Variants in C9orf72 observed in about 807,000 individuals in gnomAD.
C9orf72 encodes guanine nucleotide exchange factor C9orf72.
Under a neutral mutation model 51.6 loss-of-function variants are expected in C9orf72, and 44 were observed. That is an observed-to-expected ratio of 0.85 (90% CI 0.67 to 1.10). The LOEUF (loss-of-function observed/expected upper bound fraction) is 1.10, where lower values mean the gene tolerates loss of function less well. C9orf72 is among the 50% of genes least tolerant of loss of function. The probability of loss-of-function intolerance (pLI) is 0.00; values close to 1 mark genes in which losing one functional copy is unlikely to be tolerated. For missense variants in C9orf72, 607 were observed against 570.6 expected (o/e 1.06, Z -0.65); for synonymous variants, 213 against 194.2 (o/e 1.10, Z -0.81).
At position 27,565,539 on chromosome 9, in the gene C9orf72, C is replaced by T. The variant is rs368117087; in HGVS notation, c.496G>A (p.Glu166Lys). The T allele has an allele frequency of 6.2e-6, 10 of 1,600,286 alleles. No homozygotes were observed. Among genetic ancestry groups the T allele is most frequent in the Admixed American group, 3.3e-5 (2 of 59,786 alleles). The change falls in exon 3 of 11, where the codon GAA becomes AAA. Residue 166 changes from glutamate (E) to lysine (K), a missense_variant. Coordinates refer to ENST00000380003, the MANE Select transcript of C9orf72 (RefSeq NM_018325.5). ...ATGCAATTTGCATATACCTGATCTT[C>T]CATTCTCTCTGTGCCTTCTAAGATA... ...KIILEGTERM[E>K]DQGQSIIPML...
At chr9:27,548,850 T>A (rs922324185) in intron 9 of C9orf72, among the ~76,000 whole-genome samples, 184 bp from the exon 10 acceptor site, 4 of 122,392 alleles carry the variant, frequency 3.3e-5, no homozygotes, top group East Asian at 4.0e-4. Context: ...AATCTGATAT[T>A]TTTTTTTTTT....
At chr9:27,562,329 C>G in intron 4 of C9orf72, 52 bp downstream of exon 4, 1 of 824,352 alleles carries the variant, frequency 1.2e-6, no homozygotes, top group Non-Finnish European at 1.9e-6. Context: ...CATAATAATA[C>G]TATAACCCCA....
At chr9:27,556,911 T>G (rs1240309886) in intron 7 of C9orf72, 115 bp from the exon 8 acceptor site, 7 of 704,464 alleles carry the variant, frequency 9.9e-6, no homozygotes, top group Middle Eastern at 3.2e-4. Context: ...AAATTTATCC[T>G]AAGAAGCTAT....
chr9:27,569,777 A>T (rs1819546035), intron 1 of C9orf72, among the ~76,000 whole-genome samples: 1 of 152,276 alleles, frequency 6.6e-6, no homozygotes, highest in Non-Finnish European at 1.5e-5. Flanking sequence ...TATTTATAAT[A>T]ATAGCAATAC....
At chr9:27,559,798 C>T (rs1819296619) in intron 6 of C9orf72, 1 of 152,348 alleles carries the variant, frequency 6.6e-6, no homozygotes, top group African/African-American at 2.4e-5. Flanking sequence ...CCACTTAATC[C>T]CAATAGCTCC....
intron 6 of C9orf72, 59 bp downstream of exon 6, chr9:27,560,168 C>G: frequency 4.5e-6 from 5 of 1,112,978 alleles, no homozygotes; most frequent in Non-Finnish European, 5.2e-6. Context: ...AATGACAATC[C>G]ATGATATATC....
rs1361478076 is a variant in C9orf72 at position 27,548,331 on chromosome 9, G to C, written c.1351C>G (p.Leu451Val). 1 of 1,606,750 alleles carries C rather than the reference G, an allele frequency of 6.2e-7. No homozygotes were observed. The highest frequency in any genetic ancestry group is 1.4e-5 in the African/African-American group (1 of 73,818). The change falls in exon 11 of 11, where the codon CTG (leucine) becomes GTG (valine). Residue 451 changes from leucine (L) to valine (V), a missense_variant. By Grantham distance (32) the Leu-to-Val change is conservative. Coordinates refer to ENST00000380003, the MANE Select transcript of C9orf72 (RefSeq NM_018325.5). ...AEGDLNIIMA[L>V]AEKIKPGLHS... is the part of the protein sequence containing the mutation. ...AGGCCTGGTTTAATTTTCTCAGCCA[G>C]AGCCATTATTATGTTAAGATCGCCC...
chr9:27,565,421 C>G, intron 3 of C9orf72, 110 bp downstream of exon 3: 1 of 609,818 alleles, frequency 1.6e-6, no homozygotes, highest in Non-Finnish European at 2.9e-6. Flanking sequence ...CATAAAAGCT[C>G]CATTAAAGGC....
Position 27,560,250 on chromosome 9 carries a change from T to A in C9orf72, c.715A>T (p.Ser239Cys), listed in dbSNP as rs765907344. ...ACCTTATTTACTTTCTCTGCACTGCTACCTACTACAACGGAACAGCCACAG... is the reference window on the plus strand; with the variant it reads ...ACCTTATTTACTTTCTCTGCACTGCAACCTACTACAACGGAACAGCCACAG... ...QTCGCSVVVG[S>C]SAEKVNKIVR... The change falls in exon 6 of 11, where the codon AGC becomes TGC. Residue 239 changes from serine (S) to cysteine (C), a missense_variant. Physicochemically the swap from Ser to Cys is moderately radical, Grantham distance 112. Transcript: ENST00000380003. The A allele has an allele frequency of 6.6e-5, 106 of 1,609,742 alleles. 1 individual carries two copies. In the South Asian group the frequency reaches 1.1e-3, roughly 17 times the overall value.
Position 27,562,494 on chromosome 9 carries a change from A to T in C9orf72, c.505-18T>A. 1 of 1,361,800 alleles carries T rather than the reference A, an allele frequency of 7.3e-7. No individual in the cohort carries two copies. Among genetic ancestry groups the T allele is most frequent in the Non-Finnish European group, 1.0e-6 (1 of 994,378 alleles). 84.4% of individuals were successfully genotyped at this position (1,361,800 alleles called of 1,614,324 possible). On this transcript the variant is annotated intron_variant, in intron 3 of 10. Coordinates refer to ENST00000380003, the MANE Select transcript of C9orf72 (RefSeq NM_018325.5). ...CTCTGACCCTGCACAATAAAGTGAC[A>T]TGAAGTGAAGAAAATCACGTAATAT...
At chr9:27,560,666 A>C (rs1022748587) in intron 5 of C9orf72, 43 of 1,001,414 alleles carry the variant, frequency 4.3e-5, no homozygotes, top group Admixed American at 5.6e-5. Flanking sequence ...GACACTGAAC[A>C]GATACAGGAC....
In C9orf72 at chr9:27,550,718, G is replaced by A. The variant is rs765723104; in HGVS notation, c.1092-11C>T. 15 of 1,510,340 alleles carry A rather than the reference G, an allele frequency of 9.9e-6. No individual in the cohort carries two copies. Among genetic ancestry groups the A allele is most frequent in the Non-Finnish European group, 1.3e-5 (14 of 1,103,020 alleles). 93.6% of individuals were successfully genotyped at this position (1,510,340 alleles called of 1,614,324 possible). On this transcript the variant is annotated splice_polypyrimidine_tract_variant and intron_variant, in intron 8 of 10. Transcript: ENST00000380003. ...TCTTGAAAAATATTCCTGAAGAAAA[G>A]AAGAAAATGAAGAAAAGAAAAAAGT...
At chr9:27,561,078 G>A (rs1819331524) in intron 5 of C9orf72, 2 of 198,652 alleles carry the variant, frequency 1.0e-5, no homozygotes, top group African/African-American at 4.7e-5. Context: ...TACTATTATT[G>A]CCATTTTACA....
chr9:27,570,314 T>C (rs1819558071), intron 1 of C9orf72, among the ~76,000 whole-genome samples: 1 of 152,206 alleles, frequency 6.6e-6, no homozygotes, highest in Non-Finnish European at 1.5e-5. Flanking sequence ...GCCAACATAA[T>C]GAATTAAGTT....
chr9:27,554,441 T>G (rs1191683242), intron 8 of C9orf72, among the ~76,000 whole-genome samples: 1 of 151,984 alleles, frequency 6.6e-6, no homozygotes, highest in Non-Finnish European at 1.5e-5. Context: ...AAACACTGAG[T>G]ATACATGGAC....
chr9:27,558,471 G>T lies in C9orf72; in HGVS notation c.855+20C>A. 7.6e-7 allele frequency: 1 copy of T among 1,320,562 alleles called. No individual in the cohort carries two copies. 81.8% of individuals were successfully genotyped at this position (1,320,562 alleles called of 1,614,324 possible). A position where few individuals can be genotyped will look rare whatever the true frequency, so the allele number is the denominator to read the frequency against. ...TGATTTTAGAAAAGTGGTTTCACTT[G>T]TGATAACTAGAAACTATACCTTTAG... On this transcript the variant is annotated intron_variant, in intron 7 of 10. Coordinates refer to ENST00000380003, the MANE Select transcript of C9orf72 (RefSeq NM_018325.5).
rs969557443 is a variant in C9orf72 at position 27,547,072 on chromosome 9, A to T, written c.*1164T>A. 6.6e-6 allele frequency: 1 copy of T among 152,606 alleles called. No individual in the cohort carries two copies. Among genetic ancestry groups the T allele is most frequent in the Admixed American group, 6.5e-5 (1 of 15,270 alleles). The allele number at this position is 152,606 out of a possible 1,614,324, so 9.5% of individuals were successfully genotyped here. Reference sequence around the variant, plus strand: ...ATTAATCAGTTATTTTATAGCCAGCAAAATGGTCCAAACGCATTAAGAAAA... The same window carrying T: ...ATTAATCAGTTATTTTATAGCCAGCTAAATGGTCCAAACGCATTAAGAAAA... On this transcript the variant is annotated 3_prime_UTR_variant, in exon 11 of 11. Transcript: ENST00000380003.
At chr9:27,567,342 T>C (rs1819493291) in intron 1 of C9orf72, among the ~76,000 whole-genome samples, 178 bp from the exon 2 acceptor site, 1 of 152,234 alleles carries the variant, frequency 6.6e-6, no homozygotes, top group Non-Finnish European at 1.5e-5. Flanking sequence ...TAAATGTTTG[T>C]TGATATGATC....
chr9:27,556,534 A>G (rs747599155), intron 8 of C9orf72, 27 bp downstream of exon 8: 3 of 1,422,166 alleles, frequency 2.1e-6, no homozygotes, highest in African/African-American at 1.4e-5. Context: ...GCTTGACTAC[A>G]GTACCAGCAG....
Sources: gnomAD v4.1 joint callset for allele counts (sites outside exome capture counted in the v4.1 genomes callset) on GRCh38, gnomAD v4.1.1 for gene constraint, MANE v1.5 for transcripts, NCBI Gene and HGNC (gene_info 2026-07-23, HGNC 2026-07-21) for gene names.